MYT1L: variants seen among roughly 807,000 people sequenced by gnomAD.
The protein encoded by MYT1L is myelin transcription factor 1-like protein.
MYT1L carries 12 observed loss-of-function variants against 126.7 expected under a neutral mutation model. That is an observed-to-expected ratio of 0.09 (90% CI 0.06 to 0.15). MYT1L has a LOEUF of 0.15. Among genes scored for constraint, MYT1L ranks in the 10% least tolerant of loss-of-function variants. The pLI, the probability that MYT1L is intolerant of heterozygous loss-of-function variation, is 1.00. For missense variants in MYT1L, 979 were observed against 1,585.2 expected, an observed-to-expected ratio of 0.62 and a Z score of 6.49; for synonymous variants, 541 against 604.2, an observed-to-expected ratio of 0.90 and a Z score of 1.53.
intron 18 of MYT1L, among the ~76,000 whole-genome samples, chr2:1,884,925 C>T (rs571711739): frequency 1.3e-5 from 2 of 152,250 alleles, no homozygotes; most frequent in South Asian, 2.1e-4. Flanking sequence ...AAGAAAGTGC[C>T]GATGCTGGAG....
In MYT1L at chr2:2,005,323, C is replaced by T. The variant is rs187518339; in HGVS notation, c.-157-7976G>A. On this transcript the variant is annotated intron_variant, in intron 4 of 24. Transcript: ENST00000647738. ...TCTTTCCTGCGTGCCTTCTTTCCTG[C>T]GTGCGTTCTTTCCTGTGTGCCTTTC... Among the ~76,000 whole-genome samples, 344 of 144,636 alleles carry T rather than the reference C, an allele frequency of 2.4e-3. 2 individuals are homozygous for T. The highest frequency in any genetic ancestry group is 8.0e-3 in the African/African-American group (312 of 39,060). The allele number at this position is 144,636 out of a possible 152,430, so 94.9% of individuals were successfully genotyped here.
At chr2:2,296,378 G>A (rs1284345731) in intron 1 of MYT1L, among the ~76,000 whole-genome samples, 1 of 151,764 alleles carries the variant, frequency 6.6e-6, no homozygotes, top group Non-Finnish European at 1.5e-5. Context: ...TTTTTTTTAA[G>A]AGAAAAAATG....
chr2:2,263,076 A>G (rs1277974923), intron 2 of MYT1L, among the ~76,000 whole-genome samples: 2 of 150,998 alleles, frequency 1.3e-5, no homozygotes, highest in African/African-American at 4.9e-5. Flanking sequence ...GATATAAAAC[A>G]CATTGAAACT....
At chr2:1,987,978 G>A (rs764635388) in intron 5 of MYT1L, among the ~76,000 whole-genome samples, 17 of 152,192 alleles carry the variant, frequency 1.1e-4, no homozygotes, top group South Asian at 4.1e-4. Context: ...ATTTCTTTGC[G>A]TTTCATCTCT....
At chr2:1,954,780 T>C (rs1327777559) in intron 8 of MYT1L, among the ~76,000 whole-genome samples, 1 of 151,988 alleles carries the variant, frequency 6.6e-6, no homozygotes, top group African/African-American at 2.4e-5. Flanking sequence ...AATGTATGAT[T>C]CTGGCTGAGT....
At chr2:2,187,212 C>T (rs1268311575) in intron 2 of MYT1L, among the ~76,000 whole-genome samples, 2 of 152,024 alleles carry the variant, frequency 1.3e-5, no homozygotes, top group Non-Finnish European at 2.9e-5. Flanking sequence ...TGATGAGCTT[C>T]CCCCAGCCAT....
At chr2:1,847,257 C>G (rs927850522) in intron 19 of MYT1L, among the ~76,000 whole-genome samples, 20 of 152,208 alleles carry the variant, frequency 1.3e-4, no homozygotes, top group Admixed American at 1.3e-3. Context: ...ATGTAAAATA[C>G]TCACTGTAAT....
intron 3 of MYT1L, among the ~76,000 whole-genome samples, chr2:2,057,486 C>T (rs112558104): frequency 1.3e-5 from 2 of 152,242 alleles, no homozygotes; most frequent in African/African-American, 4.8e-5. Context: ...ACGTCCATCC[C>T]CCTTCCAATT....
intron 4 of MYT1L, among the ~76,000 whole-genome samples, chr2:2,010,736 T>G (rs2063742127): frequency 6.6e-6 from 1 of 152,056 alleles, no homozygotes; most frequent in Non-Finnish European, 1.5e-5. Context: ...CAGAACAAAG[T>G]AGGAGGGCAA....
intron 2 of MYT1L, among the ~76,000 whole-genome samples, chr2:2,181,524 T>C (rs1359789465): frequency 6.6e-6 from 1 of 152,148 alleles, no homozygotes; most frequent in Admixed American, 6.5e-5. Flanking sequence ...ATGCAGAGTG[T>C]GATTTAAATG....
At chr2:1,970,145 A>G (rs1010616752) in intron 8 of MYT1L, among the ~76,000 whole-genome samples, 8 of 152,152 alleles carry the variant, frequency 5.3e-5, no homozygotes, top group South Asian at 2.1e-4. Context: ...GGCAGGCCAG[A>G]GGGGACAGAA....
At chr2:2,165,319 C>T (rs2088868963) in intron 3 of MYT1L, among the ~76,000 whole-genome samples, 1 of 149,192 alleles carries the variant, frequency 6.7e-6, no homozygotes, top group Non-Finnish European at 1.5e-5. Flanking sequence ...TGCACACATA[C>T]ACACATACAC....
chr2:2,260,814 C>T (rs1005429363), intron 2 of MYT1L, among the ~76,000 whole-genome samples: 2 of 152,162 alleles, frequency 1.3e-5, no homozygotes, highest in East Asian at 1.9e-4. Context: ...TCTTCAGAAT[C>T]GGACACTCAG....
chr2:2,099,435 A>C (rs2077801442), intron 3 of MYT1L, among the ~76,000 whole-genome samples: 1 of 152,132 alleles, frequency 6.6e-6, no homozygotes, highest in South Asian at 2.1e-4. Flanking sequence ...GGCTCATGGC[A>C]AACAGGTCTC....
chr2:2,216,457 C>T (rs1017729157), intron 2 of MYT1L, among the ~76,000 whole-genome samples: 3 of 152,086 alleles, frequency 2.0e-5, no homozygotes, highest in African/African-American at 7.2e-5. Context: ...AAAGTATTTT[C>T]AACTGGATGA....
chr2:2,153,796 T>G (rs1206350268), intron 3 of MYT1L, among the ~76,000 whole-genome samples: 1 of 151,928 alleles, frequency 6.6e-6, no homozygotes, highest in Non-Finnish European at 1.5e-5. Context: ...GAGAGGATGG[T>G]GGGCTCGCCA....
chr2:2,126,088 C>T (rs961460961), intron 3 of MYT1L, among the ~76,000 whole-genome samples: 6 of 152,110 alleles, frequency 3.9e-5, no homozygotes, highest in South Asian at 4.1e-4. Context: ...AGAGTAGGGG[C>T]GGGATAAGAG....
At chr2:1,967,003 T>C (rs191177865) in intron 8 of MYT1L, among the ~76,000 whole-genome samples, 12 of 152,338 alleles carry the variant, frequency 7.9e-5, no homozygotes, top group Non-Finnish European at 1.8e-4. Flanking sequence ...GTAACTTTTT[T>C]TCTTTTTTAA....
At chr2:2,077,166 A>G (rs971179629) in intron 3 of MYT1L, among the ~76,000 whole-genome samples, 83 of 152,288 alleles carry the variant, frequency 5.5e-4, no homozygotes, top group African/African-American at 1.9e-3. Flanking sequence ...GACAGAGAAA[A>G]AAAAGAACAG....
Sources: allele counts gnomAD v4.1 joint callset (sites outside exome capture counted in the v4.1 genomes callset), GRCh38; gene constraint gnomAD v4.1.1; transcripts MANE v1.5; gene names NCBI Gene and HGNC (gene_info 2026-07-23, HGNC 2026-07-21).